Variants in GALNT1 observed in about 807,000 individuals in gnomAD.
The protein encoded by GALNT1 is polypeptide N-acetylgalactosaminyltransferase 1.
A neutral mutation model predicts 65.7 loss-of-function variants in GALNT1; 17 were observed. The observed-to-expected ratio is 0.26, with a 90% CI of 0.18 to 0.39. GALNT1 has a LOEUF of 0.39. Among genes scored for constraint, GALNT1 ranks in the 10% least tolerant of loss-of-function variants. The probability of loss-of-function intolerance (pLI) is 1.00; values close to 1 mark genes in which losing one functional copy is unlikely to be tolerated. For synonymous variants in GALNT1, 210 were observed against 219.7 expected (o/e 0.96, Z 0.39); for missense variants, 460 against 672.8 (o/e 0.68, Z 3.50).
At chr18:35,627,500 G>T (rs2046933716) in intron 1 of GALNT1, 1 of 152,140 alleles carries the variant, frequency 6.6e-6, no homozygotes, top group East Asian at 1.9e-4. Context: ...TTGATAGTTG[G>T]GAGTGAATGA....
chr18:35,628,594 A>G (rs1314170985), intron 1 of GALNT1, among the ~76,000 whole-genome samples: 1 of 152,238 alleles, frequency 6.6e-6, no homozygotes, highest in African/African-American at 2.4e-5. Context: ...GACCAAAGGT[A>G]GATAAAACCA....
chr18:35,690,195 A>G (rs189224690), intron 7 of GALNT1, among the ~76,000 whole-genome samples: 1 of 152,334 alleles, frequency 6.6e-6, no homozygotes, highest in Admixed American at 6.5e-5. Flanking sequence ...CCCATACTTG[A>G]TCATCTTTCT....
At chr18:35,676,604 G>C (rs192285302) in intron 3 of GALNT1, among the ~76,000 whole-genome samples, 1 of 152,272 alleles carries the variant, frequency 6.6e-6, no homozygotes, top group East Asian at 1.9e-4. Context: ...GGCGATTACA[G>C]TTGAGACTGG....
chr18:35,650,762 C>T (rs1306057120), intron 1 of GALNT1, among the ~76,000 whole-genome samples: 3 of 152,166 alleles, frequency 2.0e-5, no homozygotes, highest in East Asian at 1.9e-4. Context: ...TCCTTGTTCC[C>T]TGAACATCAC....
At chr18:35,586,124 T>C (rs1477353658) in intron 1 of GALNT1, among the ~76,000 whole-genome samples, 1 of 152,208 alleles carries the variant, frequency 6.6e-6, no homozygotes, top group Non-Finnish European at 1.5e-5. Context: ...ACGCCTGGCC[T>C]GTCACCATTT....
chr18:35,709,319 TGC>T (rs2048317491), intron 11 of GALNT1, among the ~76,000 whole-genome samples: 1 of 152,164 alleles, frequency 6.6e-6, no homozygotes, highest in African/African-American at 2.4e-5. Flanking sequence ...ACAGAGCTTA[TGC>T]CAGAATTAGG....
rs1428801233 is a variant in GALNT1 at position 35,689,289 on chromosome 18, G to A, written c.977G>A (p.Arg326Lys). Reference sequence around the variant, plus strand: ...GGAGAAAACCTAGAAATTTCCTTTAGGGTAAGTTCCCTTAAAAAAATTTAA... The same window carrying A: ...GGAGAAAACCTAGAAATTTCCTTTAAGGTAAGTTCCCTTAAAAAAATTTAA... ...WGGENLEISF[R>K]IWQCGGTLEI... The change falls in exon 7 of 12, where the codon AGG becomes AAG. Residue 326 changes from arginine to lysine, a missense_variant and splice_region_variant. Physicochemically the swap from Arg to Lys is conservative, Grantham distance 26 (BLOSUM62 2). Transcript: ENST00000269195. 1 of 1,562,596 alleles carries A rather than the reference G, an allele frequency of 6.4e-7. No homozygotes were observed.
intron 5 of GALNT1, among the ~76,000 whole-genome samples, chr18:35,685,214 A>G (rs2047848410): frequency 6.6e-6 from 1 of 152,210 alleles, no homozygotes; most frequent in Admixed American, 6.5e-5. Flanking sequence ...TAAACCAGCA[A>G]TATACACACA....
intron 2 of GALNT1, among the ~76,000 whole-genome samples, chr18:35,656,160 A>T (rs1236417725): frequency 6.6e-6 from 1 of 152,182 alleles, no homozygotes; most frequent in Non-Finnish European, 1.5e-5. Context: ...ATTTCCCCTC[A>T]CCCTACCTTA....
chr18:35,654,827 G>A (rs2144394424), intron 2 of GALNT1, 26 bp downstream of exon 2: 1 of 1,497,520 alleles, frequency 6.7e-7, no homozygotes, highest in South Asian at 1.4e-5. Context: ...TAATAGAGCT[G>A]TTTTAACTAC....
intron 3 of GALNT1, among the ~76,000 whole-genome samples, chr18:35,671,133 CATTT>C (rs1052977518): frequency 7.2e-5 from 11 of 151,858 alleles, no homozygotes; most frequent in Non-Finnish European, 1.2e-4. Flanking sequence ...GACAGCCTAC[CATTT>C]ATTTATTTAA....
intron 1 of GALNT1, among the ~76,000 whole-genome samples, chr18:35,652,386 C>T (rs964903754): frequency 1.3e-4 from 20 of 152,172 alleles, no homozygotes; most frequent in African/African-American, 4.6e-4. Flanking sequence ...CTGTTTTCTG[C>T]AGTATGTGGA....
intron 4 of GALNT1, among the ~76,000 whole-genome samples, chr18:35,679,611 C>T (rs762086875): frequency 6.6e-6 from 1 of 152,154 alleles, no homozygotes; most frequent in Non-Finnish European, 1.5e-5. Context: ...AGTGCCGCTC[C>T]AGAGTCCCTG....
intron 3 of GALNT1, among the ~76,000 whole-genome samples, chr18:35,677,386 G>A (rs1158169812): frequency 6.6e-6 from 1 of 152,090 alleles, no homozygotes; most frequent in Non-Finnish European, 1.5e-5. Context: ...TGACATCTTT[G>A]AAATAATTTT....
intron 3 of GALNT1, among the ~76,000 whole-genome samples, chr18:35,667,033 A>T (rs980618059): frequency 2.0e-5 from 3 of 152,098 alleles, no homozygotes; most frequent in African/African-American, 7.2e-5. Flanking sequence ...ACCCTCTTGT[A>T]TTTACCACCC....
rs918456917 is a variant in GALNT1, at chr18:35,618,455, C to CA, written c.-103-36099dup. The stretch of plus-strand genomic sequence containing the variant: ...AGCTCAAGTGGAGAAATGACATCTG[C>CA]AAAAAATTTATCTTTTAGTTGCATT... On this transcript the variant is annotated intron_variant, in intron 1 of 11. Coordinates refer to ENST00000269195, the MANE Select transcript of GALNT1 (RefSeq NM_020474.4). Among the ~76,000 whole-genome samples the CA allele has an allele frequency of 2.2e-4, 33 of 151,986 alleles. No homozygotes were observed. The East Asian group carries it at 4.1e-3, about 19-fold the overall frequency.
chr18:35,606,171 GA>G (rs1252149545), intron 1 of GALNT1, among the ~76,000 whole-genome samples: 1 of 152,204 alleles, frequency 6.6e-6, no homozygotes, highest in Non-Finnish European at 1.5e-5. Flanking sequence ...ATTGTAGAAG[GA>G]AAGAGAGCAG....
chr18:35,604,420 T>A (rs1339446832), intron 1 of GALNT1, among the ~76,000 whole-genome samples: 1 of 152,070 alleles, frequency 6.6e-6, no homozygotes, highest in Non-Finnish European at 1.5e-5. Context: ...TGATTTATAT[T>A]CCTTTGAATA....
chr18:35,591,334 A>G (rs1431635546), intron 1 of GALNT1, among the ~76,000 whole-genome samples: 2 of 152,236 alleles, frequency 1.3e-5, no homozygotes, highest in Non-Finnish European at 2.9e-5. Context: ...GTTCAGACAG[A>G]TGTGAATGTA....
Sources: gnomAD v4.1 joint callset for allele counts (sites outside exome capture counted in the v4.1 genomes callset) on GRCh38, gnomAD v4.1.1 for gene constraint, MANE v1.5 for transcripts, NCBI Gene and HGNC (gene_info 2026-07-23, HGNC 2026-07-21) for gene names.